OR4D10: variants seen among roughly 807,000 people sequenced by gnomAD.
The protein encoded by OR4D10 is olfactory receptor 4D10.
For missense variants in OR4D10, 395 were observed against 378.0 expected (o/e 1.04, Z -0.37); for synonymous variants, 188 against 153.2 (o/e 1.23, Z -1.68).
At chr11:59,474,516 T>C (rs541963201) in intron 2 of OR4D10, among the ~76,000 whole-genome samples, 1 of 152,330 alleles carries the variant, frequency 6.6e-6, no homozygotes, top group Non-Finnish European at 1.5e-5. Flanking sequence ...CTTATAAACA[T>C]AGGCATTATT....
chr11:59,475,898 C>T (rs777179876), intron 2 of OR4D10, among the ~76,000 whole-genome samples: 10 of 152,210 alleles, frequency 6.6e-5, no homozygotes, highest in East Asian at 5.8e-4. Context: ...AACAGTTCAT[C>T]TGAGACTGTT....
chr11:59,475,291 C>T (rs1554970651), intron 2 of OR4D10, among the ~76,000 whole-genome samples: 1 of 152,038 alleles, frequency 6.6e-6, no homozygotes, highest in Non-Finnish European at 1.5e-5. Flanking sequence ...TCCACACTTC[C>T]TCCCTCTGTA....
At chr11:59,475,546 TTACA>T (rs1858896296) in intron 2 of OR4D10, among the ~76,000 whole-genome samples, 1 of 152,208 alleles carries the variant, frequency 6.6e-6, no homozygotes. Flanking sequence ...GATTATGCAC[TTACA>T]TGTTTATATT....
chr11:59,478,256 CT>C lies in OR4D10; in HGVS notation c.828del (p.Val277SerfsTer9). 6.2e-7 allele frequency: 1 copy of C among 1,613,232 alleles called. No homozygotes were observed. Among genetic ancestry groups the C allele is most frequent in the Non-Finnish European group, 8.5e-7 (1 of 1,179,658 alleles). On this transcript the variant is annotated frameshift_variant, in exon 3 of 3. Coordinates refer to ENST00000530162, the MANE Select transcript of OR4D10 (RefSeq NM_001004705.2). LOFTEE classifies it high-confidence loss of function. The stretch of plus-strand genomic sequence containing the variant: ...GATAAGGCCATCTCTGTCACCTTCA[CT>C]GTCATCTCCCCTCTGCTCAACCCCT... ...PMDKAISVTF[T>X]VISPLLNPLI...
intron 2 of OR4D10, among the ~76,000 whole-genome samples, chr11:59,474,527 C>T (rs191421767): frequency 2.6e-5 from 4 of 152,138 alleles, no homozygotes; most frequent in African/African-American, 4.8e-5. Context: ...AGGCATTATT[C>T]GAAAGATGAC....
chr11:59,474,677 G>A (rs964228994), intron 2 of OR4D10, among the ~76,000 whole-genome samples: 2 of 151,996 alleles, frequency 1.3e-5, no homozygotes, highest in Non-Finnish European at 2.9e-5. Flanking sequence ...CAACACTCAA[G>A]CAAGATCCAT....
intron 2 of OR4D10, among the ~76,000 whole-genome samples, chr11:59,474,596 A>AG (rs1367544252): frequency 4.6e-5 from 7 of 152,214 alleles, no homozygotes; most frequent in African/African-American, 1.7e-4. Context: ...AAAGAGGGAT[A>AG]GAGCAGAAGA....
At chr11:59,475,993 T>C (rs1007804554) in intron 2 of OR4D10, among the ~76,000 whole-genome samples, 1 of 152,228 alleles carries the variant, frequency 6.6e-6, no homozygotes, top group African/African-American at 2.4e-5. Flanking sequence ...TTGTAACACA[T>C]GTAATGTTGT....
Position 59,477,256 on chromosome 11 carries a change from C to T in OR4D10, c.-168-6C>T. 2 of 492,738 alleles carry T rather than the reference C, an allele frequency of 4.1e-6. No individual in the cohort carries two copies. Among genetic ancestry groups the T allele is most frequent in the Non-Finnish European group, 3.5e-6 (1 of 282,906 alleles). The allele number at this position is 492,738 out of a possible 1,614,324, so 30.5% of individuals were successfully genotyped here. ...TTTACATATGATAATTTGATTTTAT[C>T]ACCAGACTAACTGAAATCTGAAAAA... On this transcript the variant is annotated splice_region_variant and splice_polypyrimidine_tract_variant and intron_variant, in intron 2 of 2. Transcript: ENST00000530162.
chr11:59,475,652 G>A (rs181881315), intron 2 of OR4D10, among the ~76,000 whole-genome samples: 1 of 152,150 alleles, frequency 6.6e-6, no homozygotes, highest in East Asian at 1.9e-4. Flanking sequence ...CACACTATAG[G>A]GATTACAAAA....
intron 2 of OR4D10, among the ~76,000 whole-genome samples, chr11:59,476,386 C>T (rs1858908843): frequency 6.6e-6 from 1 of 152,014 alleles, no homozygotes; most frequent in Non-Finnish European, 1.5e-5. Flanking sequence ...ACTCAGTCTA[C>T]TTTTCTCTTT....
chr11:59,478,349 C>T lies in OR4D10; in HGVS notation c.920C>T (p.Pro307Leu), dbSNP rs1858934938. ...AMRRLKRRLV[P>L]SDRK is the part of the protein sequence containing the mutation. ...AGGAGACTGAAGAGAAGACTTGTGC[C>T]TTCTGATAGAAAATAGAAAAAAAAA... Residue 307 changes from proline to leucine, a missense_variant, in exon 3 of 3, where the codon CCT becomes CTT. Coordinates refer to ENST00000530162, the MANE Select transcript of OR4D10 (RefSeq NM_001004705.2). 6.3e-7 allele frequency: 1 copy of T among 1,579,796 alleles called. No homozygotes were observed. Among genetic ancestry groups the T allele is most frequent in the Non-Finnish European group, 8.6e-7 (1 of 1,165,146 alleles).
chr11:59,474,575 A>C (rs1204305318), intron 2 of OR4D10, among the ~76,000 whole-genome samples: 1 of 152,152 alleles, frequency 6.6e-6, no homozygotes, highest in Non-Finnish European at 1.5e-5. Context: ...CCACCCTCTA[A>C]GCTTTGATCC....
rs577031213 is a variant in OR4D10, at chr11:59,473,774, C to G, written c.-188C>G. 1.3e-5 allele frequency: 2 copies of G among 152,196 alleles called. No homozygotes were observed. The highest frequency in any genetic ancestry group is 4.2e-4 in the South Asian group (2 of 4,818). The allele number at this position is 152,196 out of a possible 1,614,324, so 9.4% of individuals were successfully genotyped here. Reference sequence around the variant, plus strand: ...TGCTTCAGAGTTAAAATAATCATCTCAATGACAGAAACAACAAAGGTGGGT... The same window carrying G: ...TGCTTCAGAGTTAAAATAATCATCTGAATGACAGAAACAACAAAGGTGGGT... On this transcript the variant is annotated 5_prime_UTR_variant, in exon 2 of 3. Coordinates refer to ENST00000530162, the MANE Select transcript of OR4D10 (RefSeq NM_001004705.2).
Position 59,478,202 on chromosome 11 carries a change from A to G in OR4D10, c.773A>G (p.Tyr258Cys), listed in dbSNP as rs1397163439. The G allele has an allele frequency of 3.1e-6, 5 of 1,613,850 alleles. No homozygotes were observed. In the Admixed American group the frequency reaches 5.0e-5, roughly 16 times the overall value. Residue 258 changes from tyrosine (Y) to cysteine (C), a missense_variant, in exon 3 of 3, where the codon TAT becomes TGT. Physicochemically the swap from Tyr to Cys is radical, Grantham distance 194 (BLOSUM62 -2). Coordinates refer to ENST00000530162, the MANE Select transcript of OR4D10 (RefSeq NM_001004705.2). Reference sequence around the variant, plus strand: ...CATTTCGTGCCCTGCATCTATGTCTATGCCCGGCCCTTCACTGCCCTCCCC... The same window carrying G: ...CATTTCGTGCCCTGCATCTATGTCTGTGCCCGGCCCTTCACTGCCCTCCCC... ...TLHFVPCIYV[Y>C]ARPFTALPMD...
At chr11:59,475,768 G>T (rs918979486) in intron 2 of OR4D10, among the ~76,000 whole-genome samples, 3 of 152,198 alleles carry the variant, frequency 2.0e-5, no homozygotes, top group African/African-American at 7.2e-5. Flanking sequence ...AAGGAGGCAT[G>T]TTCCATTTTA....
At position 59,477,931 on chromosome 11, in the gene OR4D10, T is replaced by G. The variant is rs1357019982; in HGVS notation, c.502T>G (p.Phe168Val). The part of the protein sequence containing the change: ...VQISLLLPLP[F>V]CGPNVLDTFY... ...GATTTCCCTGTTGCTCCCACTCCCT[T>G]TCTGCGGACCCAATGTTCTTGACAC... Residue 168 changes from phenylalanine (F) to valine (V), a missense_variant, in exon 3 of 3, where the codon TTC becomes GTC. Transcript: ENST00000530162. 1.2e-6 allele frequency: 2 copies of G among 1,614,160 alleles called. No individual in the cohort carries two copies. Among genetic ancestry groups the G allele is most frequent in the Admixed American group, 1.7e-5 (1 of 60,020 alleles).
chr11:59,477,728 A>G lies in OR4D10; in HGVS notation c.299A>G (p.Gln100Arg). 3 of 1,614,102 alleles carry G rather than the reference A, an allele frequency of 1.9e-6. No homozygotes were observed. The highest frequency in any genetic ancestry group is 2.2e-5 in the South Asian group (2 of 91,084). Residue 100 changes from glutamine to arginine, a missense_variant, in exon 3 of 3, where the codon CAG becomes CGG. Gln to Arg is a conservative substitution (Grantham distance 43). Coordinates refer to ENST00000530162, the MANE Select transcript of OR4D10 (RefSeq NM_001004705.2). Reference protein sequence around the residue: ...KTISFNHCFTQMFLFHLIGGV... With the variant: ...KTISFNHCFTRMFLFHLIGGV... ...ATCTCCTTCAATCATTGCTTCACTC[A>G]GATGTTTCTATTCCACCTTATTGGA...
intron 2 of OR4D10, among the ~76,000 whole-genome samples, chr11:59,474,447 C>T (rs965435279): frequency 3.9e-5 from 6 of 152,194 alleles, no homozygotes; most frequent in Non-Finnish European, 7.3e-5. Flanking sequence ...TGTCCACCGG[C>T]TATGTATAAG....
Sources: gnomAD v4.1 joint callset for allele counts (sites outside exome capture counted in the v4.1 genomes callset) on GRCh38, gnomAD v4.1.1 for gene constraint, MANE v1.5 for transcripts, NCBI Gene and HGNC (gene_info 2026-07-23, HGNC 2026-07-21) for gene names.